HERPUD2: variants seen among roughly 807,000 people sequenced by gnomAD.
HERPUD2 encodes homocysteine-responsive endoplasmic reticulum-resident ubiquitin-like domain member 2 protein.
A neutral mutation model predicts 49.9 loss-of-function variants in HERPUD2; 13 were observed. The ratio of observed to expected loss-of-function variants is 0.26; its 90% CI spans 0.17 to 0.41. The LOEUF is 0.41. Ranked by LOEUF, HERPUD2 falls within the 10% of genes least tolerant of loss-of-function variation. HERPUD2 has a pLI of 1.00. For missense variants in HERPUD2, 449 were observed against 492.2 expected (o/e 0.91, Z 0.83); for synonymous variants, 172 against 171.4 (o/e 1.00, Z -0.03).
At chr7:35,673,333 G>A in intron 2 of HERPUD2, 55 bp from the exon 3 acceptor site, 2 of 1,374,772 alleles carry the variant, frequency 1.5e-6, no homozygotes, top group Non-Finnish European at 2.0e-6. Context: ...CAAATTGAAG[G>A]TTGGGAATAA....
chr7:35,683,549 A>C (rs902671026), intron 2 of HERPUD2, among the ~76,000 whole-genome samples: 13 of 152,250 alleles, frequency 8.5e-5, no homozygotes, highest in African/African-American at 2.9e-4. Context: ...AGCAAATGCA[A>C]TAAAAGCAAA....
intron 3 of HERPUD2, among the ~76,000 whole-genome samples, chr7:35,671,355 T>TGGA (rs763396859): frequency 6.6e-6 from 1 of 151,984 alleles, no homozygotes; most frequent in Non-Finnish European, 1.5e-5. Flanking sequence ...TTTAGGAGTT[T>TGGA]GGAGGAAGGA....
chr7:35,633,912 G>A, intron 8 of HERPUD2, 61 bp from the exon 9 acceptor site: 3 of 1,495,128 alleles, frequency 2.0e-6, no homozygotes, highest in Admixed American at 3.9e-5. Flanking sequence ...GCTCATAATA[G>A]AATACAGTTA....
chr7:35,657,237 T>C (rs545603933), intron 5 of HERPUD2, among the ~76,000 whole-genome samples: 135 of 151,912 alleles, frequency 8.9e-4, no homozygotes, highest in Non-Finnish European at 1.7e-3. Context: ...AGACATACAA[T>C]GGCAAACAGG....
intron 5 of HERPUD2, among the ~76,000 whole-genome samples, chr7:35,659,422 C>T (rs1244716683): frequency 2.0e-5 from 3 of 152,198 alleles, no homozygotes; most frequent in Non-Finnish European, 4.4e-5. Context: ...CACAGAGATG[C>T]TTATAAATGT....
intron 3 of HERPUD2, among the ~76,000 whole-genome samples, chr7:35,670,940 T>C (rs1785630450): frequency 6.6e-6 from 1 of 152,078 alleles, no homozygotes; most frequent in African/African-American, 2.4e-5. Context: ...CATTTTAGCT[T>C]AGTGAGATCA....
intron 5 of HERPUD2, among the ~76,000 whole-genome samples, chr7:35,666,741 G>A (rs1334945790): frequency 1.3e-5 from 2 of 152,198 alleles, no homozygotes; most frequent in Non-Finnish European, 2.9e-5. Context: ...CTCTGGAAGT[G>A]CCTAACCCAA....
Position 35,657,754 on chromosome 7 carries a change from C to CA in HERPUD2, c.494+9679dup, listed in dbSNP as rs769917771. On this transcript the variant is annotated intron_variant, in intron 5 of 8. Coordinates refer to ENST00000311350, the MANE Select transcript of HERPUD2 (RefSeq NM_022373.5). Reference sequence around the variant, plus strand: ...GAAACCCCGTCTCTACTAAAAAATACAAAAAAAAAAAAAAATTAGCCAGGT... The same window carrying CA: ...GAAACCCCGTCTCTACTAAAAAATACAAAAAAAAAAAAAAAATTAGCCAGGT... 7.5e-3 allele frequency among the ~76,000 whole-genome samples: 950 copies of CA among 127,290 alleles called. 9 individuals carry two copies. Among genetic ancestry groups the CA allele is most frequent in the African/African-American group, 0.02 (676 of 34,380 alleles). 83.5% of individuals were successfully genotyped at this position (127,290 alleles called of 152,430 possible).
intron 2 of HERPUD2, among the ~76,000 whole-genome samples, chr7:35,673,888 T>G (rs1785694555): frequency 6.6e-6 from 1 of 152,068 alleles, no homozygotes; most frequent in Non-Finnish European, 1.5e-5. Flanking sequence ...AACACAAGAC[T>G]AAAGAAAAAT....
At chr7:35,685,434 G>T (rs1458927426) in intron 2 of HERPUD2, among the ~76,000 whole-genome samples, 3 of 149,490 alleles carry the variant, frequency 2.0e-5, no homozygotes, top group Non-Finnish European at 4.4e-5. Flanking sequence ...AGCAATTCTC[G>T]TGCCTCAGCC....
In HERPUD2 at chr7:35,654,227, G is replaced by C. The variant is rs142362222; in HGVS notation, c.494+13207C>G. On this transcript the variant is annotated intron_variant, in intron 5 of 8. Coordinates refer to ENST00000311350, the MANE Select transcript of HERPUD2 (RefSeq NM_022373.5). ...GAAAGAAATAATAAAGATCAGGATA[G>C]ACTGAAAAAACACAATACAAAAGAT... Among the ~76,000 whole-genome samples, 8 of 150,586 alleles carry C rather than the reference G, an allele frequency of 5.3e-5. No homozygotes were observed. In the East Asian group the frequency reaches 1.6e-3, roughly 29 times the overall value.
intron 5 of HERPUD2, among the ~76,000 whole-genome samples, chr7:35,639,638 T>C (rs562707274): frequency 6.6e-6 from 1 of 152,226 alleles, no homozygotes; most frequent in Non-Finnish European, 1.5e-5. Context: ...ACTTGATTTT[T>C]ATCTTTAGCT....
At chr7:35,674,749 CT>C (rs1453759277) in intron 2 of HERPUD2, among the ~76,000 whole-genome samples, 1 of 151,700 alleles carries the variant, frequency 6.6e-6, no homozygotes, top group Admixed American at 6.6e-5. Flanking sequence ...TCACGCCTAC[CT>C]AACGAAGCTT....
chr7:35,645,178 A>T (rs1241251802), intron 5 of HERPUD2, among the ~76,000 whole-genome samples: 3 of 152,238 alleles, frequency 2.0e-5, no homozygotes, highest in Non-Finnish European at 4.4e-5. Context: ...AGTACAATAA[A>T]GTCTTTAAAA....
At position 35,635,069 on chromosome 7, in the gene HERPUD2, T is replaced by G. The variant is rs1490014333; in HGVS notation, c.941+66A>C. 1.7e-5 allele frequency: 20 copies of G among 1,200,172 alleles called. No individual in the cohort carries two copies. In the South Asian group the frequency reaches 2.1e-4, roughly 13 times the overall value. The allele number at this position is 1,200,172 out of a possible 1,614,324, so 74.3% of individuals were successfully genotyped here. A position where few individuals can be genotyped will look rare whatever the true frequency, so the allele number is the denominator to read the frequency against. On this transcript the variant is annotated intron_variant, in intron 7 of 8. Transcript: ENST00000311350. ...ACTCAACATTCACAACAGACTACCC[T>G]ACACCAGATTCTGTGCTGAACAGTT...
At chr7:35,673,080 C>T (rs1429427636) in intron 3 of HERPUD2, 121 bp downstream of exon 3, 33 of 642,918 alleles carry the variant, frequency 5.1e-5, no homozygotes, top group Non-Finnish European at 8.9e-5. Flanking sequence ...TTACTTGTTA[C>T]ACCACGCAAA....
intron 4 of HERPUD2, among the ~76,000 whole-genome samples, chr7:35,669,209 G>T (rs1334524092): frequency 3.9e-5 from 6 of 152,104 alleles, no homozygotes; most frequent in Admixed American, 3.9e-4. Flanking sequence ...AAGACCCTTG[G>T]GTGTTTTGAC....
intron 5 of HERPUD2, among the ~76,000 whole-genome samples, chr7:35,645,364 T>G (rs1352960966): frequency 6.6e-6 from 1 of 152,150 alleles, no homozygotes; most frequent in African/African-American, 2.4e-5. Context: ...GGAGGACTGC[T>G]TGAGCCCAGG....
chr7:35,679,564 G>A (rs930683719), intron 2 of HERPUD2, among the ~76,000 whole-genome samples: 2 of 152,162 alleles, frequency 1.3e-5, no homozygotes, highest in African/African-American at 2.4e-5. Context: ...AGGAATCAAG[G>A]TTTAGAAAAA....
Sources: gnomAD v4.1 joint callset for allele counts (sites outside exome capture counted in the v4.1 genomes callset) on GRCh38, gnomAD v4.1.1 for gene constraint, MANE v1.5 for transcripts, NCBI Gene and HGNC (gene_info 2026-07-23, HGNC 2026-07-21) for gene names.